Variants in KCNK10 observed in about 807,000 individuals in gnomAD.
KCNK10 encodes the protein potassium two pore domain channel subfamily K member 10.
Under a neutral mutation model 47.7 loss-of-function variants are expected in KCNK10, and 25 were observed. That is an observed-to-expected ratio of 0.52 (90% CI 0.38 to 0.73). KCNK10 has a LOEUF of 0.73. KCNK10 is among the 30% of genes least tolerant of loss of function. The pLI is 0.00. For missense variants in KCNK10, 563 were observed against 714.5 expected (o/e 0.79, Z 2.42); for synonymous variants, 303 against 285.6 (o/e 1.06, Z -0.61).
intron 4 of KCNK10, among the ~76,000 whole-genome samples, chr14:88,204,149 G>A (rs1416498639): frequency 6.6e-6 from 1 of 152,152 alleles, no homozygotes; most frequent in African/African-American, 2.4e-5. Context: ...AGGAAAAGGG[G>A]GAGAGGTAGG....
At chr14:88,296,824 A>C (rs1016623599) in intron 1 of KCNK10, among the ~76,000 whole-genome samples, 1 of 152,244 alleles carries the variant, frequency 6.6e-6, no homozygotes, top group African/African-American at 2.4e-5. Context: ...GTGAACTCCA[A>C]ATAGGACCAT....
At chr14:88,228,415 G>A (rs1011270211) in intron 3 of KCNK10, among the ~76,000 whole-genome samples, 1 of 152,094 alleles carries the variant, frequency 6.6e-6, no homozygotes, top group Non-Finnish European at 1.5e-5. Flanking sequence ...AAGTATTGCT[G>A]GAAGAAAAAG....
At chr14:88,194,247 T>C (rs1884838952) in intron 4 of KCNK10, among the ~76,000 whole-genome samples, 1 of 152,238 alleles carries the variant, frequency 6.6e-6, no homozygotes, top group Non-Finnish European at 1.5e-5. Flanking sequence ...GGGAAAGTTT[T>C]GTCTATTTCA....
Position 88,227,535 on chromosome 14 carries a change from C to A in KCNK10, c.521G>T (p.Gly174Val). The change falls in exon 4 of 7, where the codon GGG becomes GTG. Residue 174 changes from glycine (G) to valine (V), a missense_variant and splice_region_variant. Coordinates refer to ENST00000319231, the MANE Select transcript of KCNK10 (RefSeq NM_138317.3). ...FFAGTVITTI[G>V]YGNIAPSTEG... ...AGTGCTCGGAGCAATATTCCCATAC[C>A]CTGGTGAGAAATATGAAAAAGAGGG... The A allele has an allele frequency of 6.3e-7, 1 of 1,588,950 alleles. No homozygotes were observed. The highest frequency in any genetic ancestry group is 1.2e-5 in the South Asian group (1 of 86,244).
intron 4 of KCNK10, among the ~76,000 whole-genome samples, chr14:88,205,119 T>C (rs1477244665): frequency 6.6e-6 from 1 of 152,252 alleles, no homozygotes; most frequent in Admixed American, 6.5e-5. Context: ...TTCTAGAATG[T>C]CATGTAGTTG....
chr14:88,191,724 C>T (rs1237926100), intron 5 of KCNK10, among the ~76,000 whole-genome samples: 1 of 152,198 alleles, frequency 6.6e-6, no homozygotes, highest in Non-Finnish European at 1.5e-5. Context: ...GTTCTCAGCT[C>T]CCCATAGTCA....
chr14:88,240,677 A>C, intron 3 of KCNK10, 26 bp downstream of exon 3: 29 of 1,409,068 alleles, frequency 2.1e-5, no homozygotes, highest in Non-Finnish European at 2.4e-5. Flanking sequence ...CTGCAGAGGA[A>C]GAGATATTAG....
chr14:88,322,061 C>G lies in KCNK10; in HGVS notation c.52+686G>C, dbSNP rs994065609. On this transcript the variant is annotated intron_variant, in intron 1 of 6. Coordinates refer to ENST00000319231, the MANE Select transcript of KCNK10 (RefSeq NM_138317.3). The surrounding 1 kb of genome is among the most constrained non-coding windows in gnomAD (Gnocchi z 4.8). ...TCCAACATTCGTAAAAGCATGCAAA[C>G]CACACCATTGCTTGGGCGGGCACAC... Among the ~76,000 whole-genome samples the G allele has an allele frequency of 1.3e-5, 2 of 152,224 alleles. No individual in the cohort carries two copies. Among genetic ancestry groups the G allele is most frequent in the African/African-American group, 4.8e-5 (2 of 41,462 alleles).
Position 88,186,229 on chromosome 14 carries a change from C to A in KCNK10, c.1012-74G>T. On this transcript the variant is annotated intron_variant, in intron 6 of 6. Coordinates refer to ENST00000319231, the MANE Select transcript of KCNK10 (RefSeq NM_138317.3). This position sits in a 1 kb window ranked among gnomAD's most constrained non-coding sequence, Gnocchi z 5.5. The stretch of plus-strand genomic sequence containing the variant: ...CCTTGGCCTCCCAGCACCCACAGCC[C>A]TCGGGTGTCCCCACGGGGAGGCCAG... 1 of 1,477,464 alleles carries A rather than the reference C, an allele frequency of 6.8e-7. No individual in the cohort carries two copies. The highest frequency in any genetic ancestry group is 2.4e-5 in the East Asian group (1 of 41,468). The allele number at this position is 1,477,464 out of a possible 1,614,324, so 91.5% of individuals were successfully genotyped here.
intron 2 of KCNK10, among the ~76,000 whole-genome samples, chr14:88,250,534 G>A (rs1424814847): frequency 6.6e-6 from 1 of 152,130 alleles, no homozygotes; most frequent in East Asian, 1.9e-4. Flanking sequence ...GGATGGCCCA[G>A]GGCAGACAAA....
At position 88,244,585 on chromosome 14, in the gene KCNK10, G is replaced by T. The variant is rs552096657; in HGVS notation, c.403-3765C>A. On this transcript the variant is annotated intron_variant, in intron 2 of 6. Coordinates refer to ENST00000319231, the MANE Select transcript of KCNK10 (RefSeq NM_138317.3). Reference sequence around the variant, plus strand: ...CGGGAGGCTGAGGCAGGAGAATGGCGTGAACCTGGGAGGTGGAGCTTGCAG... The same window carrying T: ...CGGGAGGCTGAGGCAGGAGAATGGCTTGAACCTGGGAGGTGGAGCTTGCAG... Among the ~76,000 whole-genome samples the T allele has an allele frequency of 2.0e-5, 3 of 152,008 alleles. No homozygotes were observed. In the South Asian group the frequency reaches 6.2e-4, roughly 32 times the overall value.
chr14:88,291,852 C>A (rs1887886444), intron 1 of KCNK10, among the ~76,000 whole-genome samples: 1 of 152,170 alleles, frequency 6.6e-6, no homozygotes. Flanking sequence ...CTAATGGTTT[C>A]TCCTGGGCCA....
At chr14:88,220,403 C>T (rs1344622020) in intron 4 of KCNK10, among the ~76,000 whole-genome samples, 16 of 91,824 alleles carry the variant, frequency 1.7e-4, no homozygotes, top group Admixed American at 1.3e-3. Context: ...GGCGACAGAG[C>T]GAGACTCCGT....
In KCNK10 at chr14:88,263,256, T is replaced by G; in HGVS notation, c.348A>C (p.Glu116Asp). 1 of 1,614,166 alleles carries G rather than the reference T, an allele frequency of 6.2e-7. No homozygotes were observed. ...TCACACAGACATGATCCCGCAGGAA[T>G]TCCGCCTTCTCCAAGGCGATGGTAT... ...QKNTIALEKA[E>D]FLRDHVCVSP... Residue 116 changes from glutamate (E) to aspartate (D), a missense_variant, in exon 2 of 7, where the codon GAA becomes GAC. Glu to Asp is a conservative substitution (Grantham distance 45, BLOSUM62 2). Transcript: ENST00000319231.
At chr14:88,282,755 G>A (rs2139773950) in intron 1 of KCNK10, among the ~76,000 whole-genome samples, 1 of 152,270 alleles carries the variant, frequency 6.6e-6, no homozygotes. Context: ...GGTACAGAAA[G>A]GCACCACCTT....
intron 4 of KCNK10, 106 bp downstream of exon 4, chr14:88,227,269 A>G: frequency 2.2e-6 from 2 of 909,442 alleles, no homozygotes; most frequent in Admixed American, 5.5e-5. Flanking sequence ...CATTAAAATT[A>G]TTCCATTAAA....
At chr14:88,290,865 A>T (rs1412578416) in intron 1 of KCNK10, among the ~76,000 whole-genome samples, 1 of 152,138 alleles carries the variant, frequency 6.6e-6, no homozygotes, top group Non-Finnish European at 1.5e-5. Flanking sequence ...TTCATTCACA[A>T]AAAAAAGGCA....
intron 4 of KCNK10, among the ~76,000 whole-genome samples, chr14:88,212,811 C>T (rs1317483376): frequency 1.3e-5 from 2 of 152,168 alleles, no homozygotes; most frequent in Admixed American, 1.3e-4. Flanking sequence ...ATGCATTCTC[C>T]CCCAGAAATA....
chr14:88,185,862 C>T lies in KCNK10; in HGVS notation c.1305G>A (p.Gln435=). ...PNNLRLKGPE[Q]LNKHGQGASE... ...ACGCACCCTGCCCATGCTTGTTCAGCTGCTCCGGCCCCTTCAGGCGCAGGT... is the reference window on the plus strand; with the variant it reads ...ACGCACCCTGCCCATGCTTGTTCAGTTGCTCCGGCCCCTTCAGGCGCAGGT... Residue 435 remains glutamine, a synonymous_variant, in exon 7 of 7, where the codon CAG becomes CAA. Transcript: ENST00000319231. This position sits in a 1 kb window ranked among gnomAD's most constrained non-coding sequence, Gnocchi z 4.3. The T allele has an allele frequency of 6.2e-7, 1 of 1,614,178 alleles. No homozygotes were observed. The highest frequency in any genetic ancestry group is 8.5e-7 in the Non-Finnish European group (1 of 1,180,022).
Sources: allele counts gnomAD v4.1 joint callset (sites outside exome capture counted in the v4.1 genomes callset), GRCh38; gene constraint gnomAD v4.1.1; non-coding constraint Gnocchi (gnomAD v3.1); transcripts MANE v1.5; gene names NCBI Gene and HGNC (gene_info 2026-07-23, HGNC 2026-07-21).